The following MAST1 variants were observed in gnomAD, a reference collection of about 807,000 sequenced individuals.
MAST1 encodes microtubule associated serine/threonine kinase 1, also known as microtubule-associated serine/threonine-protein kinase 1.
A neutral mutation model predicts 124.6 loss-of-function variants in MAST1; 40 were observed. The ratio of observed to expected loss-of-function variants is 0.32; its 90% CI spans 0.25 to 0.42. The LOEUF (loss-of-function observed/expected upper bound fraction) is 0.42, where lower values mean the gene tolerates loss of function less well. Among genes scored for constraint, MAST1 ranks in the 10% least tolerant of loss-of-function variants. The pLI is 1.00. For missense variants in MAST1, 1,558 were observed against 2,181.9 expected, an observed-to-expected ratio of 0.71 and a Z score of 5.70; for synonymous variants, 938 against 939.4, an observed-to-expected ratio of 1.00 and a Z score of 0.03.
chr19:12,845,839 A>T (rs183170585), intron 4 of MAST1, among the ~76,000 whole-genome samples: 305 of 151,978 alleles, frequency 2.0e-3, no homozygotes, highest in African/African-American at 6.9e-3. Flanking sequence ...TTATATTTTT[A>T]GTAGAGACGG....
chr19:12,868,103 A>ATTTTTTTT lies in MAST1; in HGVS notation c.2566+142_2566+149dup, dbSNP rs34988246. 130 of 322,202 alleles carry ATTTTTTTT rather than the reference A, an allele frequency of 4.0e-4. 8 individuals carry two copies. The highest frequency in any genetic ancestry group is 1.3e-3 in the South Asian group (12 of 8,902). The allele number at this position is 322,202 out of a possible 1,614,324, so 20.0% of individuals were successfully genotyped here. A position where few individuals can be genotyped will look rare whatever the true frequency, so the allele number is the denominator to read the frequency against. On this transcript the variant is annotated intron_variant, in intron 20 of 25. Transcript: ENST00000251472. Reference sequence around the variant, plus strand: ...GGTCCTATTCACATTGCAATTTGGGATTTTTTTTTTTTTTTTTTTTTTTGA... The same window carrying ATTTTTTTT: ...GGTCCTATTCACATTGCAATTTGGGATTTTTTTTTTTTTTTTTTTTTTTTTTTTTTTGA...
chr19:12,874,849 T>A lies in MAST1; in HGVS notation c.4692T>A (p.Ser1564Arg). Residue 1564 changes from serine (S) to arginine (R), a missense_variant, in exon 26 of 26, where the codon AGT (serine) becomes AGA (arginine). Coordinates refer to ENST00000251472, the MANE Select transcript of MAST1 (RefSeq NM_014975.3). The surrounding 1 kb of genome is among the most constrained non-coding windows in gnomAD (Gnocchi z 6.6). ...GCCTGACCAAAAAAGGAGTGTCCAG[T>A]CCCGCACCCCCGGGACCATAGCCAA... Reference protein sequence around the residue: ...PAGLTKKGVSSPAPPGP With the variant: ...PAGLTKKGVSRPAPPGP 3 of 1,600,952 alleles carry A rather than the reference T, an allele frequency of 1.9e-6. No homozygotes were observed. The highest frequency in any genetic ancestry group is 1.7e-6 in the Non-Finnish European group (2 of 1,174,252).
In MAST1 at chr19:12,848,068, G is replaced by C. The variant is rs754592258; in HGVS notation, c.774+11G>C. ...AAGCTCCTTCAAGACGTGAGTGCAC[G>C]CGGAGGCCGGGCTGATCTCAGGCTC... On this transcript the variant is annotated intron_variant, in intron 7 of 25. Coordinates refer to ENST00000251472, the MANE Select transcript of MAST1 (RefSeq NM_014975.3). 2 of 1,610,806 alleles carry C rather than the reference G, an allele frequency of 1.2e-6. No homozygotes were observed. Among genetic ancestry groups the C allele is most frequent in the African/African-American group, 2.7e-5 (2 of 74,874 alleles).
At chr19:12,849,172 C>T (rs1246430939) in intron 7 of MAST1, among the ~76,000 whole-genome samples, 1 of 152,058 alleles carries the variant, frequency 6.6e-6, no homozygotes, top group Admixed American at 6.6e-5. Context: ...TGCTGTGTCC[C>T]TGCTGTTTGG....
chr19:12,874,081 C>A lies in MAST1; in HGVS notation c.3924C>A (p.Ala1308=), dbSNP rs751536491. 1.3e-6 allele frequency: 2 copies of A among 1,577,476 alleles called. No homozygotes were observed. The highest frequency in any genetic ancestry group is 2.7e-5 in the African/African-American group (2 of 74,594). The part of the protein sequence containing the change: ...FHGELALHSL[A]ESDGETPPVE... ...GCGAGCTGGCGCTGCATAGCCTTGC[C>A]GAGTCCGACGGTGAGACGCCCCCAG... Residue 1308 remains alanine, a synonymous_variant, in exon 26 of 26, where the codon GCC becomes GCA. Coordinates refer to ENST00000251472, the MANE Select transcript of MAST1 (RefSeq NM_014975.3). This position sits in a 1 kb window ranked among gnomAD's most constrained non-coding sequence, Gnocchi z 6.6.
intron 4 of MAST1, among the ~76,000 whole-genome samples, chr19:12,844,614 C>A (rs1194434287): frequency 1.3e-5 from 2 of 152,044 alleles, no homozygotes; most frequent in Non-Finnish European, 2.9e-5. Context: ...AGGAGTTTGG[C>A]AGATGGAAGA....
rs977505438 is a variant in MAST1, at chr19:12,868,987, T to C, written c.2774-79T>C. On this transcript the variant is annotated intron_variant, in intron 21 of 25. Transcript: ENST00000251472. ...AATGAGAGGCTGCTCTGCCACTGCC[T>C]TGGGAGGAGGGAGGAGCAGATACAG... The C allele has an allele frequency of 3.9e-6, 6 of 1,553,216 alleles. No individual in the cohort carries two copies. In the Admixed American group the frequency reaches 1.0e-4, roughly 26 times the overall value.
In MAST1 at chr19:12,869,023, ATCT is replaced by A. The variant is rs752140543; in HGVS notation, c.2774-38_2774-36del. 4 of 1,594,814 alleles carry A rather than the reference ATCT, an allele frequency of 2.5e-6. No individual in the cohort carries two copies. In the African/African-American group the frequency reaches 4.0e-5, roughly 16 times the overall value. ...GAGGAGCAGATACAGGGAGATGTCTATCTTCTTGGTTCTGATTTCTGACCATGG... is the reference window on the plus strand; with the variant it reads ...GAGGAGCAGATACAGGGAGATGTCTATCTTGGTTCTGATTTCTGACCATGG... On this transcript the variant is annotated intron_variant, in intron 21 of 25. Coordinates refer to ENST00000251472, the MANE Select transcript of MAST1 (RefSeq NM_014975.3).
chr19:12,869,156 G>A lies in MAST1; in HGVS notation c.2864G>A (p.Arg955Gln), dbSNP rs544990322. The change falls in exon 22 of 26, where the codon CGG becomes CAG. Residue 955 changes from arginine to glutamine, a missense_variant. Physicochemically the swap from Arg to Gln is conservative, Grantham distance 43 (BLOSUM62 1). Around this residue, in one of 10 missense-constraint regions of MAST1, gnomAD observed 291 missense variants for 475.8 expected, o/e 0.61. Coordinates refer to ENST00000251472, the MANE Select transcript of MAST1 (RefSeq NM_014975.3). ...NPSSRDSSPS[R>Q]DYSPAVSGLR... ...TCCTCACGGGACTCCTCACCCAGCCGGGACTACTCACCAGCTGTCAGTGGG... is the reference window on the plus strand; with the variant it reads ...TCCTCACGGGACTCCTCACCCAGCCAGGACTACTCACCAGCTGTCAGTGGG... 39 of 1,614,130 alleles carry A rather than the reference G, an allele frequency of 2.4e-5. No homozygotes were observed. The highest frequency in any genetic ancestry group is 1.3e-4 in the Admixed American group (8 of 60,004).
At chr19:12,852,723 C>A (rs1232031085) in intron 10 of MAST1, among the ~76,000 whole-genome samples, 1 of 151,562 alleles carries the variant, frequency 6.6e-6, no homozygotes, top group Non-Finnish European at 1.5e-5. Flanking sequence ...GTGGCACATG[C>A]CTCTAATCCC....
chr19:12,869,691 C>T (rs896591368), intron 22 of MAST1, among the ~76,000 whole-genome samples: 8 of 152,104 alleles, frequency 5.3e-5, no homozygotes, highest in African/African-American at 1.9e-4. Context: ...CCACCTCGGC[C>T]TCTCAAACTG....
At chr19:12,873,156 C>CA (rs1448373909) in intron 24 of MAST1, 168 bp from the exon 25 acceptor site, 4 of 645,570 alleles carry the variant, frequency 6.2e-6, no homozygotes, top group Non-Finnish European at 1.1e-5. Context: ...TGGGAGGAGC[C>CA]AAGCAGCACT....
At chr19:12,870,663 CAA>C (rs35890154) in intron 22 of MAST1, among the ~76,000 whole-genome samples, 159 bp from the exon 23 acceptor site, 7 of 128,874 alleles carry the variant, frequency 5.4e-5, no homozygotes, top group East Asian at 2.2e-4. Context: ...AGACTCCGTC[CAA>C]AAAAAAAAAA....
chr19:12,874,542 A>G lies in MAST1; in HGVS notation c.4385A>G (p.Glu1462Gly). Residue 1462 changes from glutamate to glycine, a missense_variant, in exon 26 of 26, where the codon GAA (glutamate) becomes GGA (glycine). Transcript: ENST00000251472. This position sits in a 1 kb window ranked among gnomAD's most constrained non-coding sequence, Gnocchi z 6.6. Reference sequence around the variant, plus strand: ...GGCGCGGACTCCAAGGGGTTGCAGGAACCCGCACCCCTGGCGCCTTCCGTG... The same window carrying G: ...GGCGCGGACTCCAAGGGGTTGCAGGGACCCGCACCCCTGGCGCCTTCCGTG... ...PLGADSKGLQ[E>G]PAPLAPSVPE... 6.6e-7 allele frequency: 1 copy of G among 1,517,424 alleles called. No homozygotes were observed. The highest frequency in any genetic ancestry group is 8.8e-7 in the Non-Finnish European group (1 of 1,136,930). 94.0% of individuals were successfully genotyped at this position (1,517,424 alleles called of 1,614,324 possible).
chr19:12,840,914 A>G, intron 2 of MAST1, 77 bp from the exon 3 acceptor site: 3 of 782,720 alleles, frequency 3.8e-6, no homozygotes. Flanking sequence ...TAGACTAAAG[A>G]CAGGACATGC....
intron 12 of MAST1, among the ~76,000 whole-genome samples, chr19:12,861,095 C>T (rs906749707): frequency 2.3e-4 from 35 of 152,074 alleles, no homozygotes; most frequent in African/African-American, 8.2e-4. Flanking sequence ...TGGAGTCTCG[C>T]TCTTTCACCC....
chr19:12,842,214 G>A (rs750904560), intron 3 of MAST1, among the ~76,000 whole-genome samples: 1 of 152,162 alleles, frequency 6.6e-6, no homozygotes, highest in Non-Finnish European at 1.5e-5. Flanking sequence ...CTGTGTGTGG[G>A]TGTAAGCGTG....
At position 12,852,377 on chromosome 19, in the gene MAST1, G is replaced by A. The variant is rs1969972895; in HGVS notation, c.1059G>A (p.Glu353=). The change falls in exon 10 of 26, where the codon GAG becomes GAA. Residue 353 remains glutamate, a synonymous_variant. Coordinates refer to ENST00000251472, the MANE Select transcript of MAST1 (RefSeq NM_014975.3). ...EQDSGGSNTP[E]QDDLSEGRSS... The stretch of plus-strand genomic sequence containing the variant: ...ACAGTGGTGGTTCCAACACCCCTGA[G>A]CAAGACGATCTCTCTGAGGTAAGGC... The A allele has an allele frequency of 1.2e-6, 2 of 1,613,782 alleles. No homozygotes were observed. Among genetic ancestry groups the A allele is most frequent in the Admixed American group, 1.7e-5 (1 of 59,984 alleles).
At chr19:12,854,225 G>A (rs1340678871) in intron 10 of MAST1, among the ~76,000 whole-genome samples, 1 of 149,930 alleles carries the variant, frequency 6.7e-6, no homozygotes, top group African/African-American at 2.5e-5. Context: ...CCAGGTTCAA[G>A]CAATTCTCCT....
Sources: allele counts gnomAD v4.1 joint callset (sites outside exome capture counted in the v4.1 genomes callset), GRCh38; gene constraint gnomAD v4.1.1; regional missense constraint gnomAD v4.1.1; non-coding constraint Gnocchi (gnomAD v3.1); transcripts MANE v1.5; gene names NCBI Gene and HGNC (gene_info 2026-07-23, HGNC 2026-07-21).